The following PSMB2 variants were observed in gnomAD, a reference collection of about 807,000 sequenced individuals.
The protein encoded by PSMB2 is proteasome subunit beta type-2.
Under a neutral mutation model 25.7 loss-of-function variants are expected in PSMB2, and 13 were observed. The ratio of observed to expected loss-of-function variants is 0.51; its 90% CI spans 0.33 to 0.80. The LOEUF is 0.80. Ranked by LOEUF, PSMB2 falls within the 30% of genes least tolerant of loss-of-function variation. The pLI is 0.02. For synonymous variants in PSMB2, 87 were observed against 96.2 expected, an observed-to-expected ratio of 0.90 and a Z score of 0.56; for missense variants, 202 against 259.0, an observed-to-expected ratio of 0.78 and a Z score of 1.51.
At chr1:35,639,083 G>A (rs1453920427) in intron 1 of PSMB2, among the ~76,000 whole-genome samples, 2 of 151,948 alleles carry the variant, frequency 1.3e-5, no homozygotes, top group African/African-American at 2.4e-5. Flanking sequence ...GTGAAACCCC[G>A]TTTCTACTAA....
intron 5 of PSMB2, 27 bp from the exon 6 acceptor site, chr1:35,603,401 T>G (rs1382468915): frequency 1.2e-6 from 2 of 1,612,610 alleles, no homozygotes; most frequent in Non-Finnish European, 1.7e-6. Context: ...AGGAAATCAG[T>G]CAACAAATGA....
chr1:35,611,061 G>A (rs1023245857), intron 3 of PSMB2, among the ~76,000 whole-genome samples: 1 of 152,166 alleles, frequency 6.6e-6, no homozygotes, highest in African/African-American at 2.4e-5. Flanking sequence ...GGCATCAGGG[G>A]TGGGACTTCC....
intron 3 of PSMB2, among the ~76,000 whole-genome samples, chr1:35,629,238 T>C (rs966318321): frequency 6.6e-6 from 1 of 152,212 alleles, no homozygotes; most frequent in African/African-American, 2.4e-5. Flanking sequence ...GTTATCTCCA[T>C]TTCATAGATA....
intron 3 of PSMB2, among the ~76,000 whole-genome samples, chr1:35,623,429 C>T (rs1420716682): frequency 6.6e-6 from 1 of 152,208 alleles, no homozygotes; most frequent in African/African-American, 2.4e-5. Context: ...CTTGCACTGA[C>T]AGTCCAAGAG....
chr1:35,632,629 C>T (rs1459248180), intron 2 of PSMB2, among the ~76,000 whole-genome samples: 2 of 152,186 alleles, frequency 1.3e-5, no homozygotes, highest in African/African-American at 4.8e-5. Flanking sequence ...TGCAGTGGCT[C>T]ATGCCTGTAA....
chr1:35,627,371 G>C (rs1443880935), intron 3 of PSMB2, among the ~76,000 whole-genome samples: 2 of 150,962 alleles, frequency 1.3e-5, no homozygotes, highest in Non-Finnish European at 2.9e-5. Context: ...AAAAACACAA[G>C]TGGGCTGGGC....
At chr1:35,610,481 CTCTT>C (rs1417819953) in intron 3 of PSMB2, among the ~76,000 whole-genome samples, 1 of 151,920 alleles carries the variant, frequency 6.6e-6, no homozygotes, top group African/African-American at 2.4e-5. Flanking sequence ...GATAGTAAGT[CTCTT>C]TCTTTGTTGT....
chr1:35,624,493 C>A (rs1037030208), intron 3 of PSMB2, among the ~76,000 whole-genome samples: 2 of 146,400 alleles, frequency 1.4e-5, no homozygotes, highest in Admixed American at 1.4e-4. Flanking sequence ...TGGCTCATGC[C>A]TGTAATCCCA....
chr1:35,603,531 C>T (rs1389692582), intron 5 of PSMB2, among the ~76,000 whole-genome samples, 157 bp from the exon 6 acceptor site: 1 of 152,146 alleles, frequency 6.6e-6, no homozygotes, highest in African/African-American at 2.4e-5. Flanking sequence ...CACTAGTACT[C>T]TAGTGGTAGA....
intron 3 of PSMB2, among the ~76,000 whole-genome samples, chr1:35,620,430 T>C (rs1485884925): frequency 6.6e-6 from 1 of 152,162 alleles, no homozygotes; most frequent in Non-Finnish European, 1.5e-5. Flanking sequence ...AACGAGCTAA[T>C]GATCTTACCA....
At chr1:35,606,459 G>A (rs1168433929) in intron 4 of PSMB2, among the ~76,000 whole-genome samples, 1 of 151,908 alleles carries the variant, frequency 6.6e-6, no homozygotes, top group Admixed American at 6.6e-5. Context: ...AAAAATCAAA[G>A]AAAATAAAAT....
intron 4 of PSMB2, among the ~76,000 whole-genome samples, chr1:35,607,111 G>A (rs896945388): frequency 9.2e-5 from 14 of 152,148 alleles, no homozygotes; most frequent in Admixed American, 7.9e-4. Flanking sequence ...CAGGGAAAAA[G>A]CCTCAGGACA....
chr1:35,620,957 T>C (rs1183459450), intron 3 of PSMB2, among the ~76,000 whole-genome samples: 1 of 151,886 alleles, frequency 6.6e-6, no homozygotes, highest in Non-Finnish European at 1.5e-5. Context: ...TGAGCCACTG[T>C]GCCCGGCTGA....
In PSMB2 at chr1:35,600,801, A is replaced by T; in HGVS notation, c.*2466T>A. ...TGGGGACACTTACATTCAAAGGCAG[A>T]GAACCGTATGTCATCCCTGGTGAGG... On this transcript the variant is annotated 3_prime_UTR_variant, in exon 6 of 6. Transcript: ENST00000373237. The T allele has an allele frequency of 1.0e-6, 1 of 985,464 alleles. No homozygotes were observed. The highest frequency in any genetic ancestry group is 1.2e-6 in the Non-Finnish European group (1 of 829,938). 61.0% of individuals were successfully genotyped at this position (985,464 alleles called of 1,614,324 possible).
chr1:35,630,615 C>T (rs1422843567), intron 3 of PSMB2, among the ~76,000 whole-genome samples: 2 of 152,122 alleles, frequency 1.3e-5, no homozygotes, highest in Non-Finnish European at 2.9e-5. Context: ...ATGATTCCAA[C>T]TATATGACAT....
chr1:35,631,328 G>A lies in PSMB2; in HGVS notation c.231C>T (p.Pro77=). The A allele has an allele frequency of 3.1e-6, 5 of 1,614,112 alleles. No homozygotes were observed. The highest frequency in any genetic ancestry group is 2.2e-5 in the East Asian group (1 of 44,882). ...GGCGTGTGAAGTTAGCTGCTGCCGT[G>A]GGAGACAATTCATATCCTGGTAGAA... The part of the protein sequence containing the change: ...YKMRNGYELS[P]TAAANFTRRN... The change falls in exon 3 of 6, where the codon CCC becomes CCT. Residue 77 remains proline, a synonymous_variant. Transcript: ENST00000373237.
intron 3 of PSMB2, among the ~76,000 whole-genome samples, chr1:35,614,541 A>AAGAACTTT (rs1650439801): frequency 1.3e-5 from 2 of 152,230 alleles, no homozygotes. Context: ...GAGGTCCCCA[A>AAGAACTTT]GGGGAAGAAC....
In PSMB2 at chr1:35,599,687, T is replaced by G; in HGVS notation, c.*3580A>C. Reference sequence around the variant, plus strand: ...GCCATGGAAAACCACCAGAAAGTTTTAAGGGCAGAGAGGAATGGATGGTGA... The same window carrying G: ...GCCATGGAAAACCACCAGAAAGTTTGAAGGGCAGAGAGGAATGGATGGTGA... On this transcript the variant is annotated 3_prime_UTR_variant, in exon 6 of 6. Transcript: ENST00000373237. 1.0e-6 allele frequency: 1 copy of G among 985,220 alleles called. No individual in the cohort carries two copies. The highest frequency in any genetic ancestry group is 1.2e-6 in the Non-Finnish European group (1 of 829,734). 61.0% of individuals were successfully genotyped at this position (985,220 alleles called of 1,614,324 possible). A position where few individuals can be genotyped will look rare whatever the true frequency, so the allele number is the denominator to read the frequency against.
intron 4 of PSMB2, 103 bp from the exon 5 acceptor site, chr1:35,605,385 G>T: frequency 1.7e-6 from 2 of 1,158,732 alleles, no homozygotes; most frequent in Non-Finnish European, 2.6e-6. Flanking sequence ...AGGTCTCAGT[G>T]CCACACAAAC....
Sources: gnomAD v4.1 joint callset for allele counts (sites outside exome capture counted in the v4.1 genomes callset) on GRCh38, gnomAD v4.1.1 for gene constraint, MANE v1.5 for transcripts, NCBI Gene and HGNC (gene_info 2026-07-23, HGNC 2026-07-21) for gene names.